TTN: variants seen among roughly 807,000 people sequenced by gnomAD.
The protein encoded by TTN is connectin.
Under a neutral mutation model 3,223.0 loss-of-function variants are expected in TTN, and 1,525 were observed. The ratio of observed to expected loss-of-function variants is 0.47; its 90% CI spans 0.45 to 0.49. TTN has a LOEUF of 0.49. TTN is among the 20% of genes least tolerant of loss of function. The pLI is 0.00. For missense variants in TTN, 40,786 were observed against 43,424.0 expected (o/e 0.94, Z 5.40); for synonymous variants, 14,094 against 15,161.0 (o/e 0.93, Z 5.17).
In TTN at chr2:178,790,012, G is replaced by C. The variant is rs2093405745; in HGVS notation, c.1904C>G (p.Thr635Ser). 6.2e-7 allele frequency: 1 copy of C among 1,613,040 alleles called. No individual in the cohort carries two copies. The change falls in exon 12 of 363, where the codon ACC becomes AGC. Residue 635 changes from threonine to serine, a missense_variant. Thr to Ser is a moderately conservative substitution (Grantham distance 58). Coordinates refer to ENST00000589042, the MANE Select transcript of TTN (RefSeq NM_001267550.2). ...AGTTATTTGCACTTGTTCTCTTTTG[G>C]TAGTAATGCCTTCTCTACCTCTTGA... is the stretch of plus-strand genomic sequence containing the variant. Reference protein sequence around the residue: ...LVSRGREGITTKREQVQITQE... With the variant: ...LVSRGREGITSKREQVQITQE...
intron 143 of TTN, 59 bp downstream of exon 143, chr2:178,678,688 A>C: frequency 6.7e-7 from 1 of 1,502,954 alleles, no homozygotes; most frequent in African/African-American, 1.4e-5. Flanking sequence ...TAAACCAATT[A>C]ATTTTTACCC....
At chr2:178,600,198 T>G (rs191120161) in intron 288 of TTN, among the ~76,000 whole-genome samples, 1 of 151,948 alleles carries the variant, frequency 6.6e-6, no homozygotes, top group Admixed American at 6.6e-5. Context: ...CTCTTTAATA[T>G]TTACACAGAA....
In TTN at chr2:178,614,846, C is replaced by A. The variant is rs1474000709; in HGVS notation, c.48760+1G>T. 6.4e-7 allele frequency: 1 copy of A among 1,570,708 alleles called. No individual in the cohort carries two copies. Among genetic ancestry groups the A allele is most frequent in the Non-Finnish European group, 8.6e-7 (1 of 1,156,744 alleles). On this transcript the variant is annotated splice_donor_variant, in intron 260 of 362. Transcript: ENST00000589042. LOFTEE classifies it high-confidence loss of function. Reference sequence around the variant, plus strand: ...ATAAGACAAAAATCAAAAATAGATACCTTGTGTGTCCACAGCCTGGATTTC... The same window carrying A: ...ATAAGACAAAAATCAAAAATAGATAACTTGTGTGTCCACAGCCTGGATTTC...
chr2:178,677,442 G>T, intron 146 of TTN, 155 bp from the exon 147 acceptor site: 1 of 705,670 alleles, frequency 1.4e-6, no homozygotes, highest in Non-Finnish European at 2.1e-6. Flanking sequence ...ATTTACAATA[G>T]ACAGATACAC....
intron 43 of TTN, 107 bp downstream of exon 43, chr2:178,764,070 A>G: frequency 6.6e-7 from 1 of 1,511,298 alleles, no homozygotes; most frequent in Non-Finnish European, 9.2e-7. Flanking sequence ...ATTAAGCTTC[A>G]AATTATGCAT....
chr2:178,603,566 A>AT (rs1424753569), intron 282 of TTN, among the ~76,000 whole-genome samples: 2 of 151,980 alleles, frequency 1.3e-5, no homozygotes, highest in African/African-American at 4.8e-5. Flanking sequence ...ATAGAAATTT[A>AT]TTTAAAGTAT....
At position 178,639,697 on chromosome 2, in the gene TTN, A is replaced by G; in HGVS notation, c.40876+2T>C. The G allele has an allele frequency of 6.2e-7, 1 of 1,611,384 alleles. No individual in the cohort carries two copies. On this transcript the variant is annotated splice_donor_variant, in intron 223 of 362. Transcript: ENST00000589042. LOFTEE classifies it high-confidence loss of function. ...GCAAAAAGAAAGCTACAGGATAAAT[A>G]CCTGCTTTCTTTCCAACCACTGGCA...
chr2:178,631,137 G>T lies in TTN; in HGVS notation c.43911C>A (p.Gly14637=). Residue 14637 remains glycine (G), a synonymous_variant, in exon 237 of 363, where the codon GGC becomes GGA. Transcript: ENST00000589042. ...TCTTTAGGATTAGCATGCGTTTCTT[G>T]CCATCTGCCTTAATAACAGCATTTT... ...PSKNAVIKAD[G]KKRMLILKKA... The T allele has an allele frequency of 6.2e-7, 1 of 1,613,240 alleles. No homozygotes were observed. The highest frequency in any genetic ancestry group is 8.5e-7 in the Non-Finnish European group (1 of 1,179,568).
At position 178,537,145 on chromosome 2, in the gene TTN, A is replaced by G; in HGVS notation, c.99964T>C (p.Trp33322Arg). The G allele has an allele frequency of 6.2e-7, 1 of 1,613,606 alleles. No homozygotes were observed. The highest frequency in any genetic ancestry group is 1.1e-5 in the South Asian group (1 of 91,044). The change falls in exon 356 of 363, where the codon TGG (tryptophan) becomes CGG (arginine). Residue 33322 changes from tryptophan (W) to arginine (R), a missense_variant. By Grantham distance (101) the Trp-to-Arg change is moderately radical. Coordinates refer to ENST00000589042, the MANE Select transcript of TTN (RefSeq NM_001267550.2). ...WKPPADDGGS[W>R]ITNYVVEKCE... is the part of the protein sequence containing the mutation. ...TTTTCCACCACATAGTTGGTGATCC[A>G]GGAGCCTCCGTCATCTGCGGGTGGT... is the stretch of plus-strand genomic sequence containing the variant.
At chr2:178,681,260 T>A in intron 137 of TTN, 89 bp from the exon 138 acceptor site, 2 of 1,449,030 alleles carry the variant, frequency 1.4e-6, no homozygotes, top group Non-Finnish European at 1.9e-6. Context: ...AATGTAAGAA[T>A]CAGGACAAGA....
intron 300 of TTN, 22 bp downstream of exon 300, chr2:178,592,753 C>G (rs755776812): frequency 6.2e-7 from 1 of 1,612,848 alleles, no homozygotes; most frequent in East Asian, 2.2e-5. Context: ...CTTGCAAACA[C>G]AAGTGAGAGC....
rs1240509020 is a variant in TTN, at chr2:178,561,232, C to T, written c.84900G>A (p.Leu28300=). Residue 28300 remains leucine, a synonymous_variant, in exon 326 of 363, where the codon CTG becomes CTA. Transcript: ENST00000589042. ...CTTGTATATTAGTATAATTGCACTT[C>T]AGCCACCGGCCATCTGGTAGTTCTC... The part of the protein sequence containing the change: ...ERRELPDGRW[L]KCNYTNIQET... 1.4e-5 allele frequency: 22 copies of T among 1,613,500 alleles called. No homozygotes were observed. The highest frequency in any genetic ancestry group is 1.8e-5 in the Non-Finnish European group (21 of 1,179,796).
At chr2:178,711,748 T>C (rs1398110610) in intron 96 of TTN, among the ~76,000 whole-genome samples, 196 bp downstream of exon 96, 1 of 152,188 alleles carries the variant, frequency 6.6e-6, no homozygotes, top group Admixed American at 6.5e-5. Flanking sequence ...TGCATAATCC[T>C]TCCAATTAAA....
chr2:178,546,204 A>C lies in TTN; in HGVS notation c.95119+8T>G, dbSNP rs778245729. On this transcript the variant is annotated splice_region_variant and intron_variant, in intron 342 of 362. Transcript: ENST00000589042. ...CTATATAAATGTGAGAACATTTGAC[A>C]TGCTTACCAAGCACTTTGACCATGA... 3 of 1,602,644 alleles carry C rather than the reference A, an allele frequency of 1.9e-6. No homozygotes were observed. Among genetic ancestry groups the C allele is most frequent in the Non-Finnish European group, 2.6e-6 (3 of 1,173,122 alleles).
At position 178,607,076 on chromosome 2, in the gene TTN, C is replaced by T; in HGVS notation, c.53526G>A (p.Lys17842=). 6.2e-7 allele frequency: 1 copy of T among 1,612,152 alleles called. No homozygotes were observed. ...TTTCAACAGGAGGGCCACAGCCAAA[C>T]TTGTTCTTGGCAATAACACGGAACT... ...EYKFRVIAKN[K]FGCGPPVEIG... Residue 17842 remains lysine, a synonymous_variant, in exon 278 of 363, where the codon AAG becomes AAA. Transcript: ENST00000589042.
In TTN at chr2:178,549,241, G is replaced by T. The variant is rs376597397; in HGVS notation, c.92385C>A (p.Val30795=). The change falls in exon 339 of 363, where the codon GTC becomes GTA. Residue 30795 remains valine (V), a synonymous_variant. Coordinates refer to ENST00000589042, the MANE Select transcript of TTN (RefSeq NM_001267550.2). ...CAACTCCTGCAGCATTTTCAGCCATGACATGGAATTCATACTCATTGCCTT... is the reference window on the plus strand; with the variant it reads ...CAACTCCTGCAGCATTTTCAGCCATTACATGGAATTCATACTCATTGCCTT... The part of the protein sequence containing the change: ...LTEGNEYEFH[V]MAENAAGVGP... 1.2e-6 allele frequency: 2 copies of T among 1,613,780 alleles called. No individual in the cohort carries two copies. The highest frequency in any genetic ancestry group is 1.7e-6 in the Non-Finnish European group (2 of 1,179,860).
Position 178,563,747 on chromosome 2 carries a change from G to A in TTN, c.82385C>T (p.Thr27462Met), listed in dbSNP as rs55933739. The A allele has an allele frequency of 8.9e-5, 143 of 1,613,642 alleles. No individual in the cohort carries two copies. The highest frequency in any genetic ancestry group is 3.2e-4 in the South Asian group (29 of 91,078). The part of the protein sequence containing the change: ...IGEPLESGPV[T>M]ACNPYKPPGP... ...TGGTGGCTTATAAGGATTACAGGCC[G>A]TAACAGGCCCAGATTCCAAGGGCTC... Residue 27462 changes from threonine to methionine, a missense_variant, in exon 326 of 363, where the codon ACG (threonine) becomes ATG (methionine). By Grantham distance (81) the Thr-to-Met change is moderately conservative. Coordinates refer to ENST00000589042, the MANE Select transcript of TTN (RefSeq NM_001267550.2). The surrounding 1 kb of genome is among the most constrained non-coding windows in gnomAD (Gnocchi z 4.5).
At position 178,530,595 on chromosome 2, in the gene TTN, AC is replaced by A. The variant is rs727504482; in HGVS notation, c.106019del (p.Gly35340ValfsTer65). The part of the protein sequence containing the change: ...GHFQFHYSAD[G>X]TYELKINNLT... ...GGTTATTGATTTTGAGCTCATAGGT[AC>A]CATCTGCTGAATAATGAAACTGGAA... On this transcript the variant is annotated frameshift_variant, in exon 358 of 363. Coordinates refer to ENST00000589042, the MANE Select transcript of TTN (RefSeq NM_001267550.2). LOFTEE classifies it high-confidence loss of function. 1.2e-6 allele frequency: 2 copies of A among 1,613,910 alleles called. No homozygotes were observed. The highest frequency in any genetic ancestry group is 1.7e-6 in the Non-Finnish European group (2 of 1,179,906).
In TTN at chr2:178,591,307, T is replaced by A. The variant is rs879086626; in HGVS notation, c.60418A>T (p.Asn20140Tyr). 1.3e-5 allele frequency: 21 copies of A among 1,613,300 alleles called. No individual in the cohort carries two copies. The highest frequency in any genetic ancestry group is 1.8e-5 in the Non-Finnish European group (21 of 1,179,468). ...DNFSSVLTIKNCLRRDTGEYQ... is the reference protein window; with the variant it reads ...DNFSSVLTIKYCLRRDTGEYQ... ...TCCCCAGTGTCTCTCCTTAAGCAGT[T>A]CTTAATGGTAAGTACTGATGAGAAG... The change falls in exon 304 of 363, where the codon AAC becomes TAC. Residue 20140 changes from asparagine to tyrosine, a missense_variant. Physicochemically the swap from Asn to Tyr is moderately radical, Grantham distance 143 (BLOSUM62 -2). Coordinates refer to ENST00000589042, the MANE Select transcript of TTN (RefSeq NM_001267550.2).
Sources: allele counts gnomAD v4.1 joint callset (sites outside exome capture counted in the v4.1 genomes callset), GRCh38; gene constraint gnomAD v4.1.1; non-coding constraint Gnocchi (gnomAD v3.1); transcripts MANE v1.5; gene names NCBI Gene and HGNC (gene_info 2026-07-23, HGNC 2026-07-21).